The following PHLPP1 variants were observed in gnomAD, a reference collection of about 807,000 sequenced individuals.
PHLPP1 encodes the protein PH domain and leucine rich repeat protein phosphatase 1, also known as PH domain leucine-rich repeat-containing protein phosphatase 1.
A neutral mutation model predicts 117.2 loss-of-function variants in PHLPP1; 42 were observed. The observed-to-expected ratio is 0.36, with a 90% CI of 0.28 to 0.46. The LOEUF (loss-of-function observed/expected upper bound fraction) is 0.46. Among genes scored for constraint, PHLPP1 ranks in the 20% least tolerant of loss-of-function variants. The probability of loss-of-function intolerance (pLI) is 1.00; values close to 1 mark genes in which losing one functional copy is unlikely to be tolerated. For missense variants in PHLPP1, 2,084 were observed against 2,241.9 expected (o/e 0.93, Z 1.42); for synonymous variants, 1,042 against 970.7 (o/e 1.07, Z -1.37).
chr18:62,852,579 A>G (rs1049064307), intron 3 of PHLPP1, among the ~76,000 whole-genome samples: 13 of 152,024 alleles, frequency 8.6e-5, no homozygotes, highest in Admixed American at 6.5e-5. Flanking sequence ...TCCTGACATC[A>G]TGATCCGCCC....
chr18:62,825,325 A>T (rs1914580848), intron 1 of PHLPP1: 1 of 150,690 alleles, frequency 6.6e-6, no homozygotes, highest in Non-Finnish European at 1.5e-5. Flanking sequence ...TTTCTGATGT[A>T]AAATTGTAAA....
intron 14 of PHLPP1, among the ~76,000 whole-genome samples, chr18:62,971,711 G>A (rs927614310): frequency 2.0e-5 from 3 of 152,102 alleles, no homozygotes; most frequent in African/African-American, 7.2e-5. Context: ...TCCAGTTGGG[G>A]TTTGTTTGTT....
intron 8 of PHLPP1, chr18:62,906,247 T>C (rs1179540085): frequency 6.6e-6 from 1 of 152,278 alleles, no homozygotes; most frequent in Non-Finnish European, 1.5e-5. Context: ...ATGCAAGATG[T>C]GTCAGTACTT....
At chr18:62,762,796 G>A (rs1444205418) in intron 1 of PHLPP1, among the ~76,000 whole-genome samples, 2 of 151,956 alleles carry the variant, frequency 1.3e-5, no homozygotes, top group South Asian at 2.1e-4. Flanking sequence ...CTTTAATTTT[G>A]CGACCTTGGT....
chr18:62,957,181 A>T lies in PHLPP1; in HGVS notation c.3325-1448A>T, dbSNP rs561452132. 2.0e-4 allele frequency among the ~76,000 whole-genome samples: 30 copies of T among 152,046 alleles called. No homozygotes were observed. In the South Asian group the frequency reaches 5.8e-3, roughly 29 times the overall value. On this transcript the variant is annotated intron_variant, in intron 12 of 16. Coordinates refer to ENST00000262719, the MANE Select transcript of PHLPP1 (RefSeq NM_194449.4). ...CATTGTTGTATCTAGAGCGCTGACCACTCCGTTTCTCTTGTGTATGCTGAG... is the reference window on the plus strand; with the variant it reads ...CATTGTTGTATCTAGAGCGCTGACCTCTCCGTTTCTCTTGTGTATGCTGAG...
rs946318904 is a variant in PHLPP1 at position 62,857,551 on chromosome 18, C to T, written c.1900-2884C>T. 3.3e-5 allele frequency among the ~76,000 whole-genome samples: 5 copies of T among 152,122 alleles called. No individual in the cohort carries two copies. In the East Asian group the frequency reaches 7.7e-4, roughly 23 times the overall value. Reference sequence around the variant, plus strand: ...CAGACCTGGAGTGCATGCTTACCCACGAATCCAGAGCATCTGGGTACTTTG... The same window carrying T: ...CAGACCTGGAGTGCATGCTTACCCATGAATCCAGAGCATCTGGGTACTTTG... On this transcript the variant is annotated intron_variant, in intron 3 of 16. Coordinates refer to ENST00000262719, the MANE Select transcript of PHLPP1 (RefSeq NM_194449.4).
intron 1 of PHLPP1, among the ~76,000 whole-genome samples, chr18:62,774,583 A>G (rs1339112748): frequency 2.6e-5 from 4 of 152,236 alleles, no homozygotes; most frequent in Non-Finnish European, 4.4e-5. Flanking sequence ...AAGAGGCATT[A>G]TATACACACT....
At chr18:62,966,202 A>T (rs963722954) in intron 14 of PHLPP1, among the ~76,000 whole-genome samples, 2 of 152,132 alleles carry the variant, frequency 1.3e-5, no homozygotes, top group Admixed American at 1.3e-4. Flanking sequence ...AATATGTATG[A>T]CATACTTAGA....
intron 1 of PHLPP1, among the ~76,000 whole-genome samples, chr18:62,723,022 A>C (rs1910969715): frequency 1.3e-5 from 2 of 152,248 alleles, no homozygotes; most frequent in African/African-American, 4.8e-5. Context: ...AACAAGGCAT[A>C]ACCATTTTGT....
At chr18:62,729,546 G>A (rs971660714) in intron 1 of PHLPP1, among the ~76,000 whole-genome samples, 2 of 152,094 alleles carry the variant, frequency 1.3e-5, no homozygotes, top group African/African-American at 2.4e-5. Context: ...ATGGTGGTGT[G>A]CGGCTGTAAT....
At chr18:62,742,351 T>C (rs924848298) in intron 1 of PHLPP1, among the ~76,000 whole-genome samples, 1 of 152,168 alleles carries the variant, frequency 6.6e-6, no homozygotes, top group African/African-American at 2.4e-5. Flanking sequence ...TGATTGACTC[T>C]ATGTTATCTG....
chr18:62,735,740 A>G (rs1261172998), intron 1 of PHLPP1, among the ~76,000 whole-genome samples: 2 of 152,206 alleles, frequency 1.3e-5, no homozygotes, highest in East Asian at 1.9e-4. Context: ...CACAGGCACA[A>G]TTATACTTAC....
chr18:62,873,002 A>AAG (rs1555678868), intron 4 of PHLPP1, among the ~76,000 whole-genome samples: 9 of 140,210 alleles, frequency 6.4e-5, no homozygotes, highest in South Asian at 2.2e-4. Flanking sequence ...AAAAAAAAAA[A>AAG]AAAAAGAAAA....
rs1911335977 is a variant in PHLPP1, at chr18:62,980,249, T to G, written c.*818T>G. ...GCACCCAAGGGCCCTGAACCCATTT[T>G]CCTCCCCTGTCCCAGCCTTCCCACT... is the stretch of plus-strand genomic sequence containing the variant. On this transcript the variant is annotated 3_prime_UTR_variant, in exon 17 of 17. Transcript: ENST00000262719. The G allele has an allele frequency of 6.5e-6, 1 of 152,950 alleles. No individual in the cohort carries two copies. Among genetic ancestry groups the G allele is most frequent in the Admixed American group, 6.5e-5 (1 of 15,286 alleles). The allele number at this position is 152,950 out of a possible 1,614,324, so 9.5% of individuals were successfully genotyped here. A position where few individuals can be genotyped will look rare whatever the true frequency, so the allele number is the denominator to read the frequency against.
intron 1 of PHLPP1, among the ~76,000 whole-genome samples, chr18:62,757,466 C>A (rs980412191): frequency 5.3e-5 from 8 of 152,302 alleles, no homozygotes; most frequent in Non-Finnish European, 1.0e-4. Context: ...CTTTGTAGTG[C>A]AGGCCATACT....
At chr18:62,864,753 A>C (rs73458286) in intron 4 of PHLPP1, among the ~76,000 whole-genome samples, 5,013 of 152,282 alleles carry the variant, frequency 0.033, 300 homozygotes, top group African/African-American at 0.11. Flanking sequence ...CCAGAATTAG[A>C]ATACTGATCA....
intron 1 of PHLPP1, among the ~76,000 whole-genome samples, chr18:62,799,339 G>A (rs1913711397): frequency 1.3e-5 from 2 of 152,210 alleles, no homozygotes; most frequent in South Asian, 4.1e-4. Context: ...CAGTCTGTTG[G>A]CTGGGACATC....
chr18:62,839,593 C>T (rs1262860220), intron 3 of PHLPP1: 2 of 151,408 alleles, frequency 1.3e-5, no homozygotes, highest in Non-Finnish European at 2.9e-5. Flanking sequence ...ATGGTACGCA[C>T]CTGTAGTCCC....
chr18:62,789,138 G>T (rs892557686), intron 1 of PHLPP1, among the ~76,000 whole-genome samples: 1 of 152,192 alleles, frequency 6.6e-6, no homozygotes, highest in African/African-American at 2.4e-5. Context: ...CACACAGGGG[G>T]TGGGGAAGCA....
Sources: gnomAD v4.1 joint callset for allele counts (sites outside exome capture counted in the v4.1 genomes callset) on GRCh38, gnomAD v4.1.1 for gene constraint, MANE v1.5 for transcripts, NCBI Gene and HGNC (gene_info 2026-07-23, HGNC 2026-07-21) for gene names.